The following SNRPN variants were observed in gnomAD, a reference collection of about 807,000 sequenced individuals.
SNRPN encodes the protein small nuclear ribonucleoprotein-associated protein N.
SNRPN carries 7 observed loss-of-function variants against 25.2 expected under a neutral mutation model. That is an observed-to-expected ratio of 0.28 (90% confidence interval 0.16 to 0.52). The LOEUF (loss-of-function observed/expected upper bound fraction) is 0.52. Among genes scored for constraint, SNRPN ranks in the 20% least tolerant of loss-of-function variants. The pLI is 0.96. For synonymous variants in SNRPN, 124 were observed against 110.6 expected, an observed-to-expected ratio of 1.12 and a Z score of -0.76; for missense variants, 196 against 322.5, an observed-to-expected ratio of 0.61 and a Z score of 3.00.
intron 3 of SNRPN, among the ~76,000 whole-genome samples, chr15:24,938,856 C>A (rs575792774): frequency 6.6e-6 from 1 of 151,962 alleles, no homozygotes; most frequent in Non-Finnish European, 1.5e-5. Context: ...TAGTGGCCAG[C>A]GAGAGTTAGC....
chr15:24,886,245 A>C (rs2150076738), intron 1 of SNRPN, among the ~76,000 whole-genome samples: 1 of 152,272 alleles, frequency 6.6e-6, no homozygotes, highest in African/African-American at 2.4e-5. Flanking sequence ...GTCTTCAGCA[A>C]GAATCCTATT....
intron 2 of SNRPN, among the ~76,000 whole-genome samples, chr15:24,898,792 C>A (rs1230733856): frequency 6.6e-6 from 1 of 151,960 alleles, no homozygotes; most frequent in East Asian, 1.9e-4. Context: ...GCGATGAAGT[C>A]CCACGGAGTC....
rs58077173 is a variant in SNRPN, at chr15:24,862,746, CA to C, written c.-579+6032del. Among the ~76,000 whole-genome samples, 612 of 150,778 alleles carry C rather than the reference CA, an allele frequency of 4.1e-3. 47 individuals are homozygous for C. The highest frequency in any genetic ancestry group is 0.014 in the African/African-American group (577 of 40,274). On this transcript the variant is annotated intron_variant, in intron 1 of 11. Coordinates refer to the SNRPN transcript ENST00000400097. ...GGCATCAGGCCTGGGATGGGATGGA[CA>C]AGGGGGGCCTTCAGGAGGAGGAGCA... is the stretch of plus-strand genomic sequence containing the variant.
chr15:24,845,289 T>C (rs1195342037), intron 2 of SNRPN, among the ~76,000 whole-genome samples: 1 of 152,218 alleles, frequency 6.6e-6, no homozygotes. Context: ...TCTTGACTAA[T>C]ACCACATTAT....
chr15:24,918,758 G>A (rs60509249), intron 2 of SNRPN, among the ~76,000 whole-genome samples: 5 of 54,508 alleles, frequency 9.2e-5, no homozygotes, highest in South Asian at 8.8e-4. Flanking sequence ...TAATATATAT[G>A]TGTGCATATA....
At chr15:24,901,269 G>A (rs148470368) in intron 2 of SNRPN, among the ~76,000 whole-genome samples, 1 of 152,334 alleles carries the variant, frequency 6.6e-6, no homozygotes, top group East Asian at 1.9e-4. Context: ...TTAAAGGCCA[G>A]TGAGGGATGT....
chr15:24,848,519 C>A (rs944063755), intron 2 of SNRPN: 1 of 151,684 alleles, frequency 6.6e-6, no homozygotes, highest in African/African-American at 2.4e-5. Context: ...GTTTCTCTTT[C>A]CCAAAAACTG....
intron 3 of SNRPN, among the ~76,000 whole-genome samples, chr15:24,923,923 AT>A (rs34575205): frequency 0.074 from 6,656 of 89,870 alleles, 1,035 homozygotes; most frequent in East Asian, 0.26. Context: ...GTATATAAAC[AT>A]TTTTTTTTTT....
chr15:24,962,792 G>T (rs1157922068), intron 2 of SNRPN, among the ~76,000 whole-genome samples: 1 of 152,002 alleles, frequency 6.6e-6, no homozygotes, highest in Non-Finnish European at 1.5e-5. Context: ...TACATATTTA[G>T]TCCACATTGA....
rs1236059828 is a variant in SNRPN, at chr15:24,927,475, AATTTTTTTTTTTTTTTTTTTTTTTTT to A, written c.-391+7352_-391+7377del. 5.8e-4 allele frequency among the ~76,000 whole-genome samples: 66 copies of A among 113,330 alleles called. 6 individuals are homozygous for A. Among genetic ancestry groups the A allele is most frequent in the East Asian group, 9.1e-4 (3 of 3,298 alleles). The allele number at this position is 113,330 out of a possible 152,430, so 74.3% of individuals were successfully genotyped here. ...TTTCCCACTGCTTATAAAGTTTTTA[AATTTTTTTTTTTTTTTTTTTTTTTTT>A]TTTTTTTTTTTTTTTTTACTTTTGA... On this transcript the variant is annotated intron_variant, in intron 3 of 11. Coordinates refer to the SNRPN transcript ENST00000400097.
At chr15:24,829,983 A>G (rs1022994203) in intron 2 of SNRPN, 1 of 152,218 alleles carries the variant, frequency 6.6e-6, no homozygotes, top group Non-Finnish European at 1.5e-5. Flanking sequence ...CAGAGGTGGT[A>G]GCAGTGGGTG....
In SNRPN at chr15:24,968,075, A is replaced by G; in HGVS notation, c.-151A>G. ...GTAGCGAGGAATCTGATTCCAAGCA[A>G]AAACCAGGTTAGAGCTAATGCAGCA... is the stretch of plus-strand genomic sequence containing the variant. On this transcript the variant is annotated 5_prime_UTR_variant, in exon 3 of 10. Coordinates refer to ENST00000390687, the MANE Select transcript of SNRPN (RefSeq NM_003097.6). The G allele has an allele frequency of 6.4e-7, 1 of 1,563,876 alleles. No homozygotes were observed. Among genetic ancestry groups the G allele is most frequent in the Non-Finnish European group, 8.8e-7 (1 of 1,134,416 alleles).
chr15:24,978,096 T>C (rs1767443723), intron 8 of SNRPN, 97 bp from the exon 9 acceptor site: 1 of 1,334,104 alleles, frequency 7.5e-7, no homozygotes, highest in South Asian at 1.3e-5. Flanking sequence ...ACTCTATCAT[T>C]GTTGTCTGGC....
chr15:24,832,004 G>T (rs1053603419), intron 2 of SNRPN, among the ~76,000 whole-genome samples: 3 of 151,380 alleles, frequency 2.0e-5, no homozygotes, highest in African/African-American at 7.3e-5. Flanking sequence ...ATTACCTTTG[G>T]ATATATACCC....
At chr15:24,918,484 TAA>T (rs2059710870) in intron 2 of SNRPN, among the ~76,000 whole-genome samples, 1 of 124,558 alleles carries the variant, frequency 8.0e-6, no homozygotes, top group African/African-American at 2.8e-5. Context: ...ATATATAACA[TAA>T]TATATATGTG....
rs547748873 is a variant in SNRPN, at chr15:24,929,916, G to A, written c.-391+9792G>A. 6.7e-4 allele frequency among the ~76,000 whole-genome samples: 102 copies of A among 152,146 alleles called. No individual in the cohort carries two copies. Among genetic ancestry groups the A allele is most frequent in the South Asian group, 1.0e-3 (5 of 4,828 alleles). ...TATCAATAAAAAAATGGCCAGGCAC[G>A]GTGGCTCACACCTATAATCCCAGCA... On this transcript the variant is annotated intron_variant, in intron 3 of 11. Transcript: ENST00000400097. The surrounding 1 kb of genome is among the most constrained non-coding windows in gnomAD (Gnocchi z 5.3).
upstream of SNRPN, chr15:24,954,962 C>G (rs1429332962): frequency 1.3e-6 from 2 of 1,586,464 alleles, no homozygotes; most frequent in East Asian, 2.3e-5. Flanking sequence ...TGTGCGAAGC[C>G]TGCCGCTGCT....
intron 1 of SNRPN, among the ~76,000 whole-genome samples, chr15:24,874,958 C>T (rs757418872): frequency 3.9e-5 from 6 of 151,910 alleles, no homozygotes; most frequent in African/African-American, 4.8e-5. Context: ...CTAATACCTG[C>T]ATTTATAGTA....
At chr15:24,863,449 AT>A (rs2054206582) in intron 1 of SNRPN, among the ~76,000 whole-genome samples, 1 of 149,306 alleles carries the variant, frequency 6.7e-6, no homozygotes, top group Non-Finnish European at 1.5e-5. Context: ...CTCCATGGAC[AT>A]ACAGATTTGC....
Sources: gnomAD v4.1 joint callset for allele counts (sites outside exome capture counted in the v4.1 genomes callset) on GRCh38, gnomAD v4.1.1 for gene constraint, Gnocchi (gnomAD v3.1) non-coding constraint, MANE v1.5 for transcripts, NCBI Gene and HGNC (gene_info 2026-07-23, HGNC 2026-07-21) for gene names.